DGKB: variants seen among roughly 807,000 people sequenced by gnomAD.
The protein encoded by DGKB is 90 kDa diacylglycerol kinase.
In DGKB, 67 loss-of-function variants were observed where a neutral mutation model predicts 114.3. That is an observed-to-expected ratio of 0.59 (90% CI 0.48 to 0.72). The LOEUF (loss-of-function observed/expected upper bound fraction) is 0.72. Ranked by LOEUF, DGKB falls within the 30% of genes least tolerant of loss-of-function variation. The pLI is 0.00. For missense variants in DGKB, 907 were observed against 975.2 expected (o/e 0.93, Z 0.93); for synonymous variants, 398 against 323.1 (o/e 1.23, Z -2.49).
intron 23 of DGKB, among the ~76,000 whole-genome samples, chr7:14,272,506 C>A (rs1798406800): frequency 6.6e-6 from 1 of 152,130 alleles, no homozygotes; most frequent in Non-Finnish European, 1.5e-5. Flanking sequence ...AACCATTTTT[C>A]TATTGAGATT....
chr7:14,501,009 A>G (rs1458014462), intron 20 of DGKB, among the ~76,000 whole-genome samples: 9 of 151,916 alleles, frequency 5.9e-5, no homozygotes, highest in Non-Finnish European at 1.2e-4. Flanking sequence ...TTAAGGCAAA[A>G]TTTACAGAAA....
chr7:14,189,356 C>T lies in DGKB; in HGVS notation c.2123-11205G>A, dbSNP rs1423652632. On this transcript the variant is annotated intron_variant, in intron 23 of 25. Coordinates refer to ENST00000402815, the MANE Select transcript of DGKB (RefSeq NM_001350709.2). ...ATCATCTTAAAATAGTCAATTCTAA[C>T]TACAAGACTCTTTATGTTAGCCTGT... Among the ~76,000 whole-genome samples the T allele has an allele frequency of 4.6e-5, 7 of 152,102 alleles. No individual in the cohort carries two copies. The East Asian group carries it at 1.3e-3, about 29-fold the overall frequency.
At chr7:14,215,774 C>T (rs189688816) in intron 23 of DGKB, among the ~76,000 whole-genome samples, 1 of 152,126 alleles carries the variant, frequency 6.6e-6, no homozygotes, top group Admixed American at 6.6e-5. Flanking sequence ...AATTAGTAAC[C>T]AGTGTTATTT....
intron 1 of DGKB, among the ~76,000 whole-genome samples, chr7:14,900,686 T>A (rs924770213): frequency 6.6e-6 from 1 of 152,196 alleles, no homozygotes; most frequent in Non-Finnish European, 1.5e-5. Context: ...ATAATTGTTT[T>A]ATTACACAAA....
intron 7 of DGKB, among the ~76,000 whole-genome samples, chr7:14,701,409 G>T (rs1171953047): frequency 6.6e-6 from 1 of 152,094 alleles, no homozygotes; most frequent in East Asian, 1.9e-4. Flanking sequence ...CAAGGCTGGT[G>T]CCTTTCTTTT....
At chr7:14,332,562 A>G (rs926835286) in intron 23 of DGKB, among the ~76,000 whole-genome samples, 2 of 152,228 alleles carry the variant, frequency 1.3e-5, no homozygotes, top group African/African-American at 4.8e-5. Flanking sequence ...TCACTTAGGT[A>G]GGATGTTTTA....
intron 21 of DGKB, among the ~76,000 whole-genome samples, chr7:14,389,317 C>T (rs1346456680): frequency 6.6e-6 from 1 of 152,142 alleles, no homozygotes; most frequent in African/African-American, 2.4e-5. Context: ...TATGTTGTCC[C>T]ATCTAGGACC....
At chr7:14,517,645 G>A (rs937873504) in intron 20 of DGKB, among the ~76,000 whole-genome samples, 5 of 151,684 alleles carry the variant, frequency 3.3e-5, no homozygotes, top group African/African-American at 1.2e-4. Flanking sequence ...TTAAAAAGTG[G>A]GCAAAAAACA....
chr7:14,876,507 T>C (rs778939067), intron 1 of DGKB, among the ~76,000 whole-genome samples: 3 of 152,228 alleles, frequency 2.0e-5, no homozygotes, highest in Non-Finnish European at 2.9e-5. Context: ...AGCTCGCCTT[T>C]GCAGCATCAA....
At chr7:14,651,819 A>G (rs1488704842) in intron 13 of DGKB, among the ~76,000 whole-genome samples, 1 of 139,382 alleles carries the variant, frequency 7.2e-6, no homozygotes, top group African/African-American at 2.7e-5. Context: ...TACAAAATCA[A>G]TGTACAAAAA....
intron 20 of DGKB, among the ~76,000 whole-genome samples, chr7:14,500,348 T>C (rs1251147569): frequency 2.6e-5 from 4 of 151,820 alleles, no homozygotes; most frequent in Admixed American, 6.6e-5. Context: ...TTATTTTACC[T>C]TTATCAGCAT....
intron 23 of DGKB, among the ~76,000 whole-genome samples, chr7:14,194,974 G>A (rs1184091124): frequency 6.6e-6 from 1 of 152,074 alleles, no homozygotes; most frequent in Non-Finnish European, 1.5e-5. Flanking sequence ...CTACACCACA[G>A]GAACGCAACC....
intron 23 of DGKB, among the ~76,000 whole-genome samples, chr7:14,259,463 G>C (rs1004562023): frequency 1.3e-5 from 2 of 150,506 alleles, no homozygotes; most frequent in African/African-American, 4.9e-5. Context: ...GTCTTGCTCT[G>C]TCACGCAGGC....
chr7:14,253,870 GA>G (rs1795591392), intron 23 of DGKB, among the ~76,000 whole-genome samples: 1 of 152,126 alleles, frequency 6.6e-6, no homozygotes, highest in Non-Finnish European at 1.5e-5. Context: ...TATCAGTTAT[GA>G]CTAGGTTAAT....
chr7:14,435,968 C>T (rs17168175), intron 21 of DGKB, among the ~76,000 whole-genome samples: 15,652 of 151,940 alleles, frequency 0.1, 1,036 homozygotes, highest in East Asian at 0.28. Flanking sequence ...AGAATAATAT[C>T]AAAGGGAAAT....
intron 23 of DGKB, among the ~76,000 whole-genome samples, chr7:14,260,118 A>ATG (rs1389574555): frequency 6.5e-4 from 78 of 120,534 alleles, no homozygotes; most frequent in African/African-American, 2.7e-3. Flanking sequence ...GAACACACAC[A>ATG]CACACACACA....
intron 23 of DGKB, among the ~76,000 whole-genome samples, chr7:14,197,120 G>A (rs192360991): frequency 5.9e-5 from 9 of 152,170 alleles, no homozygotes; most frequent in Admixed American, 1.3e-4. Context: ...GTTGCTTTGT[G>A]GGGCGGGGGA....
At chr7:14,900,582 T>A (rs563015639) in intron 1 of DGKB, among the ~76,000 whole-genome samples, 1 of 152,124 alleles carries the variant, frequency 6.6e-6, no homozygotes, top group African/African-American at 2.4e-5. Context: ...GTTCTTTCAA[T>A]AGTGTGCAAG....
At chr7:14,563,519 C>A (rs941619970) in intron 20 of DGKB, among the ~76,000 whole-genome samples, 4 of 151,858 alleles carry the variant, frequency 2.6e-5, no homozygotes, top group Admixed American at 2.6e-4. Flanking sequence ...CTATTTGGTA[C>A]CTTTTAATAT....
Sources: allele counts gnomAD v4.1 joint callset (sites outside exome capture counted in the v4.1 genomes callset), GRCh38; gene constraint gnomAD v4.1.1; transcripts MANE v1.5; gene names NCBI Gene and HGNC (gene_info 2026-07-23, HGNC 2026-07-21).